Variants in AARS1 observed in about 807,000 individuals in gnomAD.
The protein encoded by AARS1 is alanyl-tRNA synthetase 1, also known as alanine--tRNA ligase, cytoplasmic.
In AARS1, 72 loss-of-function variants were observed where a neutral mutation model predicts 108.9. The observed-to-expected ratio is 0.66, with a 90% CI of 0.55 to 0.80. AARS1 has a LOEUF of 0.80. AARS1 is among the 30% of genes least tolerant of loss of function. The pLI is 0.00. For synonymous variants in AARS1, 489 were observed against 465.7 expected, an observed-to-expected ratio of 1.05 and a Z score of -0.64; for missense variants, 1,193 against 1,233.2, an observed-to-expected ratio of 0.97 and a Z score of 0.49.
Position 70,252,349 on chromosome 16 carries a change from G to A in AARS1, c.*372C>T. 2.8e-6 allele frequency: 1 copy of A among 356,134 alleles called. No homozygotes were observed. The highest frequency in any genetic ancestry group is 5.2e-6 in the Non-Finnish European group (1 of 191,416). The allele number at this position is 356,134 out of a possible 1,614,324, so 22.1% of individuals were successfully genotyped here. ...ACGCCAAAGGCTGTCAAAAGAGCCA[G>A]CCCCTATTGGGAAGAGGGATAGAGA... On this transcript the variant is annotated 3_prime_UTR_variant, in exon 21 of 21. Transcript: ENST00000261772.
intron 11 of AARS1, among the ~76,000 whole-genome samples, chr16:70,262,824 C>T (rs543834760): frequency 2.6e-5 from 4 of 151,646 alleles, no homozygotes; most frequent in South Asian, 2.1e-4. Flanking sequence ...AAACATTAGC[C>T]GGGTGTGGTG....
rs1478633901 is a variant in AARS1, at chr16:70,258,287, G to T, written c.1993-70C>A. ...AGGTGCGGTACGACGAGGCAGGAAAGCATGGTCCTGCAGGCAGGACTCGGG... is the reference window on the plus strand; with the variant it reads ...AGGTGCGGTACGACGAGGCAGGAAATCATGGTCCTGCAGGCAGGACTCGGG... On this transcript the variant is annotated intron_variant, in intron 14 of 20. Transcript: ENST00000261772. 4.0e-6 allele frequency: 6 copies of T among 1,514,108 alleles called. No individual in the cohort carries two copies. The Admixed American group carries it at 1.2e-4, about 30-fold the overall frequency. The allele number at this position is 1,514,108 out of a possible 1,614,324, so 93.8% of individuals were successfully genotyped here.
chr16:70,269,457 C>T, intron 7 of AARS1, among the ~76,000 whole-genome samples, 161 bp downstream of exon 7: 1 of 151,558 alleles, frequency 6.6e-6, no homozygotes, highest in Admixed American at 6.6e-5. Flanking sequence ...TCACTTGAAC[C>T]CAGCAGGCAG....
intron 1 of AARS1, among the ~76,000 whole-genome samples, chr16:70,287,687 G>A (rs1024076800): frequency 1.3e-5 from 2 of 152,074 alleles, no homozygotes; most frequent in South Asian, 4.1e-4. Flanking sequence ...AGGCTGCAGT[G>A]AGCTATGGTC....
At chr16:70,281,554 T>C (rs2152169677) in intron 2 of AARS1, among the ~76,000 whole-genome samples, 1 of 152,172 alleles carries the variant, frequency 6.6e-6, no homozygotes, top group African/African-American at 2.4e-5. Context: ...TAGTTCCAGC[T>C]ACTTCGGAGG....
chr16:70,263,271 T>C (rs761949445), intron 11 of AARS1, among the ~76,000 whole-genome samples: 2 of 151,940 alleles, frequency 1.3e-5, no homozygotes, highest in Non-Finnish European at 2.9e-5. Context: ...TGAATAGATT[T>C]AGGTGTAAGA....
In AARS1 at chr16:70,253,334, A is replaced by C; in HGVS notation, c.2655T>G (p.Thr885=). The change falls in exon 20 of 21, where the codon ACT becomes ACG. Residue 885 remains threonine, a synonymous_variant. Coordinates refer to ENST00000261772, the MANE Select transcript of AARS1 (RefSeq NM_001605.3). ...LKLFKMHSPQ[T]SAMLFTVDNE... ...TGTCCACCGTGAAGAGCATGGCAGA[A>C]GTCTGAGGGGAGTGCATCTTGAAGA... 6.2e-7 allele frequency: 1 copy of C among 1,614,192 alleles called. No homozygotes were observed. The highest frequency in any genetic ancestry group is 8.5e-7 in the Non-Finnish European group (1 of 1,180,016).
intron 4 of AARS1, among the ~76,000 whole-genome samples, 158 bp from the exon 5 acceptor site, chr16:70,272,130 A>C (rs971935611): frequency 2.6e-5 from 4 of 152,234 alleles, no homozygotes; most frequent in Admixed American, 2.6e-4. Flanking sequence ...TGTCTCAAAA[A>C]AGAAAAAAAA....
intron 13 of AARS1, among the ~76,000 whole-genome samples, chr16:70,259,517 C>G (rs1960083606): frequency 6.6e-6 from 1 of 152,176 alleles, no homozygotes; most frequent in African/African-American, 2.4e-5. Flanking sequence ...GGGTCTTGCT[C>G]TGTCACCCAG....
intron 8 of AARS1, 56 bp from the exon 9 acceptor site, chr16:70,267,865 C>G (rs988580722): frequency 1.2e-6 from 2 of 1,612,718 alleles, no homozygotes; most frequent in Non-Finnish European, 1.7e-6. Flanking sequence ...TGTTCCCTGC[C>G]CCGTCTTAAA....
chr16:70,257,243 CAAAA>C (rs56734965), intron 15 of AARS1, among the ~76,000 whole-genome samples: 1 of 133,922 alleles, frequency 7.5e-6, no homozygotes, highest in Non-Finnish European at 1.6e-5. Context: ...AACTCCGTCT[CAAAA>C]AAAAAAAAAG....
At chr16:70,264,400 T>A (rs1960215097) in intron 11 of AARS1, among the ~76,000 whole-genome samples, 1 of 151,700 alleles carries the variant, frequency 6.6e-6, no homozygotes, top group African/African-American at 2.4e-5. Context: ...CACTGCAACC[T>A]CTGCCTCCCA....
intron 2 of AARS1, among the ~76,000 whole-genome samples, chr16:70,280,986 C>G (rs1455930132): frequency 6.6e-6 from 1 of 152,094 alleles, no homozygotes; most frequent in African/African-American, 2.4e-5. Context: ...CACCACCACA[C>G]CTGGCTAATT....
intron 16 of AARS1, 38 bp from the exon 17 acceptor site, chr16:70,254,772 C>T (rs373854261): frequency 7.3e-7 from 1 of 1,362,564 alleles, no homozygotes; most frequent in South Asian, 1.2e-5. Flanking sequence ...AGCAGGAGGT[C>T]TGAGTCAGAC....
intron 4 of AARS1, among the ~76,000 whole-genome samples, chr16:70,273,325 C>G (rs1960456221): frequency 6.6e-6 from 1 of 152,194 alleles, no homozygotes; most frequent in African/African-American, 2.4e-5. Flanking sequence ...CTTGATGCAG[C>G]ACTTCACAAA....
rs762241810 is a variant in AARS1, at chr16:70,252,727, C to A, written c.2901G>T (p.Lys967Asn). ...GAGCCTCCTCCTTCCCCACTCAGTT[C>A]TTTACATCCCCGAGGCGCAGCTGGG... ...SFAQLRLGDV[K>N]N is the part of the protein sequence containing the mutation. Residue 967 changes from lysine to asparagine, a missense_variant, in exon 21 of 21, where the codon AAG (lysine) becomes AAT (asparagine). By Grantham distance (94) the Lys-to-Asn change is moderately conservative. Coordinates refer to ENST00000261772, the MANE Select transcript of AARS1 (RefSeq NM_001605.3). 7 of 1,613,962 alleles carry A rather than the reference C, an allele frequency of 4.3e-6. No individual in the cohort carries two copies. The East Asian group carries it at 1.1e-4, about 26-fold the overall frequency.
rs7190921 is a variant in AARS1 at position 70,265,498 on chromosome 16, G to C, written c.1347+40C>G. ...TCTGCAGCCAAGTGGTGCTGGGTTGGAAGGTGTTGGGTTTCCTGTTCACTC... is the reference window on the plus strand; with the variant it reads ...TCTGCAGCCAAGTGGTGCTGGGTTGCAAGGTGTTGGGTTTCCTGTTCACTC... On this transcript the variant is annotated intron_variant, in intron 10 of 20. Transcript: ENST00000261772. The C allele has an allele frequency of 0.013, 20,887 of 1,612,904 alleles. 2,436 individuals are homozygous for C. In the African/African-American group the frequency reaches 0.25, roughly 19 times the overall value.
At chr16:70,288,858 C>G (rs1392753136) in intron 1 of AARS1, among the ~76,000 whole-genome samples, 1 of 152,170 alleles carries the variant, frequency 6.6e-6, no homozygotes, top group South Asian at 2.1e-4. Context: ...TGAGCCTCCG[C>G]GCCTGGCCCT....
chr16:70,269,358 A>AAC (rs1960342068), intron 7 of AARS1, among the ~76,000 whole-genome samples: 1 of 135,936 alleles, frequency 7.4e-6, no homozygotes, highest in Admixed American at 7.5e-5. Context: ...AAAAAAAAAA[A>AAC]AACAACCGTC....
Sources: gnomAD v4.1 joint callset for allele counts (sites outside exome capture counted in the v4.1 genomes callset) on GRCh38, gnomAD v4.1.1 for gene constraint, MANE v1.5 for transcripts, NCBI Gene and HGNC (gene_info 2026-07-23, HGNC 2026-07-21) for gene names.